JAKMIP3: variants seen among roughly 807,000 people sequenced by gnomAD.
JAKMIP3 encodes janus kinase and microtubule-interacting protein 3.
In JAKMIP3, 58 loss-of-function variants were observed where a neutral mutation model predicts 118.5. The observed-to-expected ratio is 0.49, with a 90% confidence interval of 0.40 to 0.61. The LOEUF (loss-of-function observed/expected upper bound fraction) is 0.61. Among genes scored for constraint, JAKMIP3 ranks in the 20% least tolerant of loss-of-function variants. JAKMIP3 has a pLI of 0.00. For missense variants in JAKMIP3, 950 were observed against 1,109.0 expected (o/e 0.86, Z 2.04); for synonymous variants, 486 against 451.2 (o/e 1.08, Z -0.98).
chr10:132,140,026 C>A (rs1037356809), intron 9 of JAKMIP3, among the ~76,000 whole-genome samples: 3 of 152,158 alleles, frequency 2.0e-5, no homozygotes, highest in African/African-American at 7.2e-5. Context: ...GGCGGAGGAC[C>A]CCGTTTTTGT....
At chr10:132,156,938 C>G (rs886642679) in intron 19 of JAKMIP3, among the ~76,000 whole-genome samples, 11 of 151,816 alleles carry the variant, frequency 7.2e-5, no homozygotes, top group African/African-American at 2.7e-4. Context: ...CAGAAAAATC[C>G]AAGAAAAAAG....
chr10:132,137,397 G>T, intron 8 of JAKMIP3, 108 bp downstream of exon 8: 1 of 1,400,362 alleles, frequency 7.1e-7, no homozygotes. Context: ...AAGCGGCCGC[G>T]GCAGCCTTTC....
intron 2 of JAKMIP3, among the ~76,000 whole-genome samples, 161 bp downstream of exon 2, chr10:132,105,104 C>T (rs955688347): frequency 3.3e-5 from 5 of 152,114 alleles, no homozygotes; most frequent in Non-Finnish European, 7.4e-5. Context: ...GGTGGGGCGG[C>T]AGGCAGTGGG....
chr10:132,123,086 C>T (rs539167840), intron 3 of JAKMIP3, among the ~76,000 whole-genome samples: 43 of 152,322 alleles, frequency 2.8e-4, no homozygotes, highest in African/African-American at 1.0e-3. Flanking sequence ...GGGCTCCCAG[C>T]GGCTTTCTTG....
At chr10:132,129,818 A>G (rs1482367973) in intron 3 of JAKMIP3, among the ~76,000 whole-genome samples, 1 of 151,396 alleles carries the variant, frequency 6.6e-6, no homozygotes, top group African/African-American at 2.4e-5. Context: ...CAGAAGGGTA[A>G]GTCTAATGCC....
intron 16 of JAKMIP3, among the ~76,000 whole-genome samples, chr10:132,150,614 C>T (rs888042289): frequency 6.6e-6 from 1 of 152,186 alleles, no homozygotes; most frequent in Admixed American, 6.5e-5. Flanking sequence ...TTATATCCAT[C>T]CATCTATCTA....
intron 1 of JAKMIP3, among the ~76,000 whole-genome samples, chr10:132,045,071 G>A (rs1345420434): frequency 1.3e-5 from 2 of 152,076 alleles, no homozygotes; most frequent in Non-Finnish European, 2.9e-5. Flanking sequence ...ATGCCCGTCC[G>A]AGATTCTGCT....
chr10:132,120,923 G>A (rs1278747444), intron 3 of JAKMIP3, among the ~76,000 whole-genome samples: 3 of 152,264 alleles, frequency 2.0e-5, no homozygotes, highest in Non-Finnish European at 2.9e-5. Context: ...CCAGGCAGGT[G>A]TGTGGCCGCT....
chr10:132,122,906 G>A lies in JAKMIP3; in HGVS notation c.633+5332G>A, dbSNP rs72858950. Among the ~76,000 whole-genome samples, 511 of 152,300 alleles carry A rather than the reference G, an allele frequency of 3.4e-3. 2 individuals are homozygous for A. Among genetic ancestry groups the A allele is most frequent in the Admixed American group, 7.1e-3 (108 of 15,308 alleles). Reference sequence around the variant, plus strand: ...TGCCCTGTACGTGTCAGAATGCCTTGGCTAGGGAACTCAGGAATCACCCAC... The same window carrying A: ...TGCCCTGTACGTGTCAGAATGCCTTAGCTAGGGAACTCAGGAATCACCCAC... On this transcript the variant is annotated intron_variant, in intron 3 of 23. Coordinates refer to ENST00000684848, the MANE Select transcript of JAKMIP3 (RefSeq NM_001323087.2).
chr10:132,045,171 C>T (rs1341054470), intron 1 of JAKMIP3, among the ~76,000 whole-genome samples: 5 of 152,160 alleles, frequency 3.3e-5, no homozygotes, highest in African/African-American at 4.8e-5. Context: ...CCCACATCCT[C>T]ACAACGCTCC....
intron 1 of JAKMIP3, among the ~76,000 whole-genome samples, chr10:132,039,255 G>A (rs2037634321): frequency 6.6e-6 from 1 of 152,088 alleles, no homozygotes; most frequent in Non-Finnish European, 1.5e-5. Context: ...CAGACTGCTG[G>A]GATTATGGGC....
At chr10:132,057,994 C>T (rs1055928919) in intron 1 of JAKMIP3, among the ~76,000 whole-genome samples, 5 of 152,186 alleles carry the variant, frequency 3.3e-5, no homozygotes, top group East Asian at 1.9e-4. Flanking sequence ...TGGGGCTGGA[C>T]GGGGCCAGAT....
chr10:132,061,527 C>T (rs2133851744), upstream of JAKMIP3, among the ~76,000 whole-genome samples: 1 of 152,290 alleles, frequency 6.6e-6, no homozygotes, highest in Middle Eastern at 3.4e-3. Context: ...TTGAGCTTGG[C>T]AAGTTGATAT....
intron 11 of JAKMIP3, among the ~76,000 whole-genome samples, chr10:132,143,321 G>C (rs571213966): frequency 2.0e-5 from 3 of 152,134 alleles, no homozygotes; most frequent in African/African-American, 7.2e-5. Context: ...CAGCAGCCCC[G>C]AGACATCCCA....
intron 1 of JAKMIP3, among the ~76,000 whole-genome samples, chr10:132,092,727 C>T (rs1440092119): frequency 6.6e-6 from 1 of 152,154 alleles, no homozygotes; most frequent in Non-Finnish European, 1.5e-5. Flanking sequence ...CCTCATTTAG[C>T]TCGGAGAAGT....
At chr10:132,056,218 G>T (rs74418781) in intron 1 of JAKMIP3, among the ~76,000 whole-genome samples, 1 of 152,180 alleles carries the variant, frequency 6.6e-6, no homozygotes, top group Admixed American at 6.5e-5. Context: ...TCCACCAACA[G>T]TGAGGGCGCC....
At chr10:132,166,225 C>T (rs2058886605) in intron 21 of JAKMIP3, among the ~76,000 whole-genome samples, 1 of 152,006 alleles carries the variant, frequency 6.6e-6, no homozygotes, top group African/African-American at 2.4e-5. Flanking sequence ...ACTCAGGGGG[C>T]CGAGGTGGGA....
chr10:132,062,313 C>T (rs907848209), upstream of JAKMIP3, among the ~76,000 whole-genome samples: 1 of 152,190 alleles, frequency 6.6e-6, no homozygotes, highest in Non-Finnish European at 1.5e-5. Context: ...AGTGCTGAAA[C>T]AGTCAAAGAT....
intron 1 of JAKMIP3, among the ~76,000 whole-genome samples, chr10:132,038,104 C>T (rs891841790): frequency 2.0e-5 from 3 of 152,188 alleles, no homozygotes; most frequent in African/African-American, 7.2e-5. Context: ...TTGATCTGTC[C>T]ATGGACAAGC....
Sources: allele counts gnomAD v4.1 joint callset (sites outside exome capture counted in the v4.1 genomes callset), GRCh38; gene constraint gnomAD v4.1.1; transcripts MANE v1.5; gene names NCBI Gene and HGNC (gene_info 2026-07-23, HGNC 2026-07-21).